The following ASAH1 variants were observed in gnomAD, a reference collection of about 807,000 sequenced individuals.
ASAH1 encodes the protein acid ceramidase.
A neutral mutation model predicts 59.5 loss-of-function variants in ASAH1; 70 were observed. That is an observed-to-expected ratio of 1.18 (90% CI 0.97 to 1.43). ASAH1 has a LOEUF of 1.43. ASAH1 is among the 40% of genes most tolerant of loss of function. The probability of loss-of-function intolerance (pLI) is 0.00; values close to 1 mark genes in which losing one functional copy is unlikely to be tolerated. For synonymous variants in ASAH1, 213 were observed against 166.5 expected, an observed-to-expected ratio of 1.28 and a Z score of -2.15; for missense variants, 660 against 482.5, an observed-to-expected ratio of 1.37 and a Z score of -3.45.
At chr8:18,065,882 TTGTGTGTGTGTGTG>T (rs71215300) in intron 5 of ASAH1, 5 of 143,542 alleles carry the variant, frequency 3.5e-5, no homozygotes, top group Non-Finnish European at 7.6e-5. Flanking sequence ...CAGATACACA[TTGTGTGTGTGTGTG>T]TGTGTGTGTG....
At chr8:18,079,978 A>C (rs1800584460) in intron 1 of ASAH1, among the ~76,000 whole-genome samples, 1 of 152,206 alleles carries the variant, frequency 6.6e-6, no homozygotes, top group Admixed American at 6.5e-5. Flanking sequence ...GAGAGGAAGG[A>C]CCTCATCTAT....
In ASAH1 at chr8:18,062,491, G is replaced by A. The variant is rs1253339183; in HGVS notation, c.504-68C>T. ...TAGTAATGATCAACATGATGATGAGGGCCAGGCATTACACTAGGAGCTTTA... is the reference window on the plus strand; with the variant it reads ...TAGTAATGATCAACATGATGATGAGAGCCAGGCATTACACTAGGAGCTTTA... On this transcript the variant is annotated intron_variant, in intron 7 of 13. Transcript: ENST00000637790. The A allele has an allele frequency of 1.7e-5, 26 of 1,556,218 alleles. No homozygotes were observed. The East Asian group carries it at 2.2e-4, about 13-fold the overall frequency.
chr8:18,083,859 C>A (rs986004829), intron 1 of ASAH1, 122 bp downstream of exon 1: 33 of 1,517,104 alleles, frequency 2.2e-5, no homozygotes, highest in South Asian at 1.7e-4. Context: ...AACCACAGAC[C>A]CCCGTAAAGA....
chr8:18,074,544 T>C (rs946980505), intron 2 of ASAH1, among the ~76,000 whole-genome samples: 2 of 152,140 alleles, frequency 1.3e-5, no homozygotes, highest in Non-Finnish European at 2.9e-5. Context: ...TGTTTCCCCC[T>C]ACAAACAGCA....
At chr8:18,062,475 T>G in intron 7 of ASAH1, 52 bp from the exon 8 acceptor site, 1 of 1,602,016 alleles carries the variant, frequency 6.2e-7, no homozygotes. Flanking sequence ...ATAGTAATGA[T>G]CAACATGATG....
chr8:18,072,277 G>A (rs941127672), intron 2 of ASAH1, among the ~76,000 whole-genome samples: 1 of 152,144 alleles, frequency 6.6e-6, no homozygotes, highest in Non-Finnish European at 1.5e-5. Flanking sequence ...GGTGACTCTG[G>A]TATGTGCCAC....
intron 4 of ASAH1, chr8:18,067,940 A>C (rs1800001277): frequency 6.6e-6 from 1 of 152,186 alleles, no homozygotes; most frequent in African/African-American, 2.4e-5. Context: ...ATCTGCTTAA[A>C]ATTCACGAAT....
chr8:18,061,165 C>A (rs530392735), intron 10 of ASAH1: 2 of 454,506 alleles, frequency 4.4e-6, no homozygotes, highest in East Asian at 8.3e-5. Flanking sequence ...GTCAGTATCC[C>A]TAGTGCTTTT....
chr8:18,075,623 C>G lies in ASAH1; in HGVS notation c.79-36G>C, dbSNP rs1458920835. 2.5e-6 allele frequency: 4 copies of G among 1,601,878 alleles called. No homozygotes were observed. In the East Asian group the frequency reaches 6.7e-5, roughly 27 times the overall value. The stretch of plus-strand genomic sequence containing the variant: ...AAGAAAATTAAGTTTCAGAAAATAA[C>G]AAATGCTTGCCAACGGAATAAGCAA... On this transcript the variant is annotated intron_variant, in intron 1 of 13. Transcript: ENST00000637790.
Position 18,067,211 on chromosome 8 carries a change from G to A in ASAH1, c.382+9C>T. 2 of 1,581,184 alleles carry A rather than the reference G, an allele frequency of 1.3e-6. No individual in the cohort carries two copies. The highest frequency in any genetic ancestry group is 1.1e-5 in the South Asian group (1 of 88,504). ...ACTTTTTTTTTTAAAGCTTCTAAGT[G>A]AACTTTACCTAAAGGTATATCAGTA... On this transcript the variant is annotated intron_variant, in intron 5 of 13. Coordinates refer to ENST00000637790, the MANE Select transcript of ASAH1 (RefSeq NM_177924.5).
chr8:18,063,288 T>A, intron 6 of ASAH1, 58 bp from the exon 7 acceptor site: 2 of 1,466,550 alleles, frequency 1.4e-6, no homozygotes, highest in Non-Finnish European at 9.6e-7. Flanking sequence ...AAATCAAAGC[T>A]GGACAATTAA....
At chr8:18,060,027 A>G (rs1238702557) in intron 10 of ASAH1, 1 of 276,802 alleles carries the variant, frequency 3.6e-6, no homozygotes, top group Non-Finnish European at 7.0e-6. Flanking sequence ...GAGAACATGC[A>G]GTGTTCGGTT....
chr8:18,057,191 C>G lies in ASAH1; in HGVS notation c.*343G>C, dbSNP rs1799504457. On this transcript the variant is annotated 3_prime_UTR_variant, in exon 14 of 14. Coordinates refer to ENST00000637790, the MANE Select transcript of ASAH1 (RefSeq NM_177924.5). ...GTTACTCACACAGACGTGCTGGATTCAACACCCACGCTGAATCTCCATTTA... is the reference window on the plus strand; with the variant it reads ...GTTACTCACACAGACGTGCTGGATTGAACACCCACGCTGAATCTCCATTTA... The G allele has an allele frequency of 3.4e-6, 1 of 292,592 alleles. No individual in the cohort carries two copies. The allele number at this position is 292,592 out of a possible 1,614,324, so 18.1% of individuals were successfully genotyped here.
intron 2 of ASAH1, among the ~76,000 whole-genome samples, chr8:18,072,103 T>G (rs1003901509): frequency 2.0e-5 from 3 of 152,218 alleles, no homozygotes; most frequent in Non-Finnish European, 2.9e-5. Flanking sequence ...TTCTGGTGGA[T>G]GAATTCTACA....
At chr8:18,083,352 G>C in intron 1 of ASAH1, 1 of 153,680 alleles carries the variant, frequency 6.5e-6, no homozygotes, top group African/African-American at 2.4e-5. Context: ...TCTGTAAAAT[G>C]AAAGAGTCAC....
intron 1 of ASAH1, among the ~76,000 whole-genome samples, chr8:18,081,963 T>C (rs1472678934): frequency 6.6e-6 from 1 of 152,318 alleles, no homozygotes; most frequent in East Asian, 1.9e-4. Flanking sequence ...TTCTGCCAAA[T>C]GGAGATGTTA....
intron 2 of ASAH1, among the ~76,000 whole-genome samples, chr8:18,071,592 C>A (rs1800180208): frequency 6.6e-6 from 1 of 151,938 alleles, no homozygotes; most frequent in Non-Finnish European, 1.5e-5. Context: ...TCACAGAAAT[C>A]CTGGAATAGA....
intron 1 of ASAH1, chr8:18,083,373 C>CA (rs1301717343): frequency 2.6e-5 from 4 of 154,300 alleles, no homozygotes; most frequent in African/African-American, 4.8e-5. Flanking sequence ...GCTCGTCCCT[C>CA]ACTGTCTCTT....
rs994417916 is a variant in ASAH1, at chr8:18,063,232, T to G, written c.458-2A>C. The G allele has an allele frequency of 1.2e-6, 2 of 1,612,812 alleles. No homozygotes were observed. The highest frequency in any genetic ancestry group is 2.7e-5 in the African/African-American group (2 of 74,906). On this transcript the variant is annotated splice_acceptor_variant, in intron 6 of 13. Transcript: ENST00000637790. LOFTEE classifies it high-confidence loss of function. ...TGTTTCTCCCATGTATTAGATGACC[T>G]ATTTGAAGGTAGACAGAAGAGACGT...
Sources: gnomAD v4.1 joint callset for allele counts (sites outside exome capture counted in the v4.1 genomes callset) on GRCh38, gnomAD v4.1.1 for gene constraint, MANE v1.5 for transcripts, NCBI Gene and HGNC (gene_info 2026-07-23, HGNC 2026-07-21) for gene names.